SERINC1: variants seen among roughly 807,000 people sequenced by gnomAD.
The protein encoded by SERINC1 is tumor differentially expressed protein 2.
Under a neutral mutation model 52.9 loss-of-function variants are expected in SERINC1, and 38 were observed. The ratio of observed to expected loss-of-function variants is 0.72; its 90% confidence interval spans 0.55 to 0.94. The LOEUF (loss-of-function observed/expected upper bound fraction) is 0.94. Among genes scored for constraint, SERINC1 ranks in the 40% least tolerant of loss-of-function variants. The pLI, the probability that SERINC1 is intolerant of heterozygous loss-of-function variation, is 0.00. For missense variants in SERINC1, 471 were observed against 533.9 expected, an observed-to-expected ratio of 0.88 and a Z score of 1.16; for synonymous variants, 198 against 183.1, an observed-to-expected ratio of 1.08 and a Z score of -0.66.
Position 122,451,887 on chromosome 6 carries a change from C to A in SERINC1, c.759+1G>T, listed in dbSNP as rs763189510. ...AAAAACTAATGCTTTAAAGGGCATACTTGGATTTTTGGCAGTATAGACATT... is the reference window on the plus strand; with the variant it reads ...AAAAACTAATGCTTTAAAGGGCATAATTGGATTTTTGGCAGTATAGACATT... On this transcript the variant is annotated splice_donor_variant, in intron 6 of 9. Transcript: ENST00000339697. LOFTEE classifies it high-confidence loss of function. The A allele has an allele frequency of 4.0e-6, 6 of 1,512,450 alleles. No individual in the cohort carries two copies. The highest frequency in any genetic ancestry group is 8.8e-7 in the Non-Finnish European group (1 of 1,134,966). 93.7% of individuals were successfully genotyped at this position (1,512,450 alleles called of 1,614,324 possible).
intron 3 of SERINC1, among the ~76,000 whole-genome samples, chr6:122,455,501 C>T (rs1342038494): frequency 1.3e-5 from 2 of 152,118 alleles, no homozygotes; most frequent in African/African-American, 4.8e-5. Context: ...CCAAGTTCTT[C>T]AGTTTTGGGA....
Position 122,459,388 on chromosome 6 carries a change from G to C in SERINC1, c.40-707C>G, listed in dbSNP as rs866814615. 5.9e-5 allele frequency among the ~76,000 whole-genome samples: 9 copies of C among 152,270 alleles called. 1 individual carries two copies. In the South Asian group the frequency reaches 1.9e-3, roughly 32 times the overall value. On this transcript the variant is annotated intron_variant, in intron 1 of 9. Transcript: ENST00000339697. ...CCTGGGCTGAGATGTCAGACTTCTAGAAGGTGGATGAACCAGATCTTCCAG... is the reference window on the plus strand; with the variant it reads ...CCTGGGCTGAGATGTCAGACTTCTACAAGGTGGATGAACCAGATCTTCCAG...
intron 2 of SERINC1, 66 bp from the exon 3 acceptor site, chr6:122,456,716 T>C: frequency 5.8e-6 from 7 of 1,211,068 alleles, no homozygotes; most frequent in Non-Finnish European, 7.9e-6. Flanking sequence ...AAATTACATG[T>C]AATCAAATAG....
At chr6:122,454,506 CA>C in intron 3 of SERINC1, 35 of 295,182 alleles carry the variant, frequency 1.2e-4, no homozygotes, top group Non-Finnish European at 1.6e-4. Context: ...AAAAACAAAG[CA>C]AAAAAAATCT....
rs1199300389 is a variant in SERINC1, at chr6:122,444,395, T to C, written c.*649A>G. 1 of 152,252 alleles carries C rather than the reference T, an allele frequency of 6.6e-6. No homozygotes were observed. Among genetic ancestry groups the C allele is most frequent in the East Asian group, 1.9e-4 (1 of 5,190 alleles). 9.4% of individuals were successfully genotyped at this position (152,252 alleles called of 1,614,324 possible). Reference sequence around the variant, plus strand: ...GTTCCAAACATTTCCACTGAACCCATACTTCATGAGTTTAAAACAACCAAA... The same window carrying C: ...GTTCCAAACATTTCCACTGAACCCACACTTCATGAGTTTAAAACAACCAAA... On this transcript the variant is annotated 3_prime_UTR_variant, in exon 10 of 10. Coordinates refer to ENST00000339697, the MANE Select transcript of SERINC1 (RefSeq NM_020755.4).
chr6:122,470,480 T>C (rs1157203375), intron 1 of SERINC1, among the ~76,000 whole-genome samples: 1 of 152,208 alleles, frequency 6.6e-6, no homozygotes, highest in African/African-American at 2.4e-5. Context: ...CAATCTTATA[T>C]GATAATCAAT....
chr6:122,459,251 T>G (rs1397674831), intron 1 of SERINC1, among the ~76,000 whole-genome samples: 3 of 152,180 alleles, frequency 2.0e-5, no homozygotes, highest in African/African-American at 7.2e-5. Context: ...AAACTAGCAG[T>G]ATGCCCCCAA....
At chr6:122,462,917 A>G (rs1437816476) in intron 1 of SERINC1, among the ~76,000 whole-genome samples, 2 of 152,230 alleles carry the variant, frequency 1.3e-5, no homozygotes, top group African/African-American at 4.8e-5. Context: ...ACTTATCTAT[A>G]GATTCAGCCC....
Position 122,451,937 on chromosome 6 carries a change from A to G in SERINC1, c.710T>C (p.Met237Thr). The change falls in exon 6 of 10, where the codon ATG (methionine) becomes ACG (threonine). Residue 237 changes from methionine (M) to threonine (T), a missense_variant. Transcript: ENST00000339697. Reference sequence around the variant, plus strand: ...TACAGAAGCACCAACGCAGAGGAGCATGTTGACACTGATGAACGCCTTGTT... The same window carrying G: ...TACAGAAGCACCAACGCAGAGGAGCGTGTTGACACTGATGAACGCCTTGTT... ...SENKAFISVNMLLCVGASVMS... is the reference protein window; with the variant it reads ...SENKAFISVNTLLCVGASVMS... 1.9e-6 allele frequency: 3 copies of G among 1,598,456 alleles called. No homozygotes were observed. The highest frequency in any genetic ancestry group is 1.7e-6 in the Non-Finnish European group (2 of 1,173,164).
rs1262466905 is a variant in SERINC1, at chr6:122,443,593, A to G, written c.*1451T>C. ...GTTGAAAGGTTACAATAATCTATATATTTCAATTACATGGCAGTAAATACA... is the reference window on the plus strand; with the variant it reads ...GTTGAAAGGTTACAATAATCTATATGTTTCAATTACATGGCAGTAAATACA... On this transcript the variant is annotated 3_prime_UTR_variant, in exon 10 of 10. Coordinates refer to ENST00000339697, the MANE Select transcript of SERINC1 (RefSeq NM_020755.4). 6.6e-6 allele frequency: 1 copy of G among 152,114 alleles called. No individual in the cohort carries two copies. Among genetic ancestry groups the G allele is most frequent in the Non-Finnish European group, 1.5e-5 (1 of 68,038 alleles). The allele number at this position is 152,114 out of a possible 1,614,324, so 9.4% of individuals were successfully genotyped here. A position where few individuals can be genotyped will look rare whatever the true frequency, so the allele number is the denominator to read the frequency against.
At chr6:122,467,949 A>G (rs1775215135) in intron 1 of SERINC1, among the ~76,000 whole-genome samples, 2 of 152,126 alleles carry the variant, frequency 1.3e-5, no homozygotes, top group African/African-American at 2.4e-5. Context: ...CAAAATCAAG[A>G]ATACACTATA....
intron 1 of SERINC1, among the ~76,000 whole-genome samples, chr6:122,462,970 T>C (rs1370889893): frequency 6.6e-6 from 1 of 152,102 alleles, no homozygotes; most frequent in Non-Finnish European, 1.5e-5. Flanking sequence ...AGAAATAAAC[T>C]AGCTGAACAG....
rs557769252 is a variant in SERINC1 at position 122,459,316 on chromosome 6, A to G, written c.40-635T>C. 3.9e-5 allele frequency among the ~76,000 whole-genome samples: 6 copies of G among 152,282 alleles called. No homozygotes were observed. The East Asian group carries it at 1.2e-3, about 29-fold the overall frequency. On this transcript the variant is annotated intron_variant, in intron 1 of 9. Transcript: ENST00000339697. ...GAGGAACACTGGTACAGAGTATTTA[A>G]CAGTATCTAAGAAAGCCACAGAGTA...
intron 1 of SERINC1, among the ~76,000 whole-genome samples, chr6:122,466,429 C>A (rs1340137281): frequency 2.6e-5 from 4 of 152,108 alleles, no homozygotes; most frequent in African/African-American, 7.2e-5. Context: ...GTGATCCCCC[C>A]ACCTCAGCCT....
intron 6 of SERINC1, 22 bp from the exon 7 acceptor site, chr6:122,451,776 A>AAAAAAATATATATATAT: frequency 7.1e-5 from 8 of 113,076 alleles, no homozygotes; most frequent in East Asian, 6.7e-4. Context: ...AAAAAAAAAA[A>AAAAAAATATATATATAT]ATATATATAT....
At chr6:122,453,316 C>T (rs1774943819) in intron 5 of SERINC1, among the ~76,000 whole-genome samples, 1 of 152,130 alleles carries the variant, frequency 6.6e-6, no homozygotes, top group African/African-American at 2.4e-5. Flanking sequence ...GTTATTGATG[C>T]ACATAAAAGC....
intron 1 of SERINC1, among the ~76,000 whole-genome samples, chr6:122,459,645 A>G (rs1297401692): frequency 1.3e-5 from 2 of 152,230 alleles, no homozygotes; most frequent in Non-Finnish European, 2.9e-5. Context: ...AGGCATATGA[A>G]GAATTCAGTC....
chr6:122,469,468 C>T (rs1775238968), intron 1 of SERINC1, among the ~76,000 whole-genome samples: 1 of 151,880 alleles, frequency 6.6e-6, no homozygotes, highest in South Asian at 2.1e-4. Context: ...CCTCCGCCTC[C>T]TGGGCTTAAG....
At chr6:122,458,375 T>C (rs1775037934) in intron 2 of SERINC1, 145 bp downstream of exon 2, 2 of 499,834 alleles carry the variant, frequency 4.0e-6, no homozygotes, top group East Asian at 6.4e-5. Context: ...TATTATCTTT[T>C]TCCTAAAAGA....
Sources: gnomAD v4.1 joint callset for allele counts (sites outside exome capture counted in the v4.1 genomes callset) on GRCh38, gnomAD v4.1.1 for gene constraint, MANE v1.5 for transcripts, NCBI Gene and HGNC (gene_info 2026-07-23, HGNC 2026-07-21) for gene names.